The following FASTKD1 variants were observed in gnomAD, a reference collection of about 807,000 sequenced individuals.
FASTKD1 encodes the protein FAST kinase domains 1.
In FASTKD1, 94 loss-of-function variants were observed where a neutral mutation model predicts 90.9. That is an observed-to-expected ratio of 1.03 (90% CI 0.88 to 1.23). The LOEUF is 1.23. Among genes scored for constraint, FASTKD1 ranks in the 50% most tolerant of loss-of-function variants. The pLI, the probability that FASTKD1 is intolerant of heterozygous loss-of-function variation, is 0.00. For synonymous variants in FASTKD1, 319 were observed against 345.8 expected (o/e 0.92, Z 0.86); for missense variants, 945 against 993.5 (o/e 0.95, Z 0.66).
intron 12 of FASTKD1, among the ~76,000 whole-genome samples, chr2:169,534,516 G>A (rs2105332460): frequency 7.0e-6 from 1 of 142,730 alleles, no homozygotes; most frequent in African/African-American, 2.6e-5. Context: ...TTGGAGTGCA[G>A]TGGCACGATC....
At chr2:169,565,294 GCT>G (rs1683918538) in intron 3 of FASTKD1, among the ~76,000 whole-genome samples, 1 of 75,996 alleles carries the variant, frequency 1.3e-5, no homozygotes, top group South Asian at 4.6e-4. Flanking sequence ...AGGGAGTCTC[GCT>G]CTGTCACCCA....
Position 169,546,577 on chromosome 2 carries a change from G to A in FASTKD1, c.1342C>T (p.Leu448=), listed in dbSNP as rs1685211294. The A allele has an allele frequency of 6.2e-7, 1 of 1,614,090 alleles. No homozygotes were observed. The highest frequency in any genetic ancestry group is 2.2e-5 in the East Asian group (1 of 44,878). The stretch of plus-strand genomic sequence containing the variant: ...GTGGCAAAACTACTCAGGTTATTTA[G>A]GTCACACTGTGGTAAAACGGCTTCA... ...RIEAVLPQCD[L]NNLSSFATSV... Residue 448 remains leucine, a synonymous_variant, in exon 8 of 15, where the codon CTA becomes TTA. Transcript: ENST00000453153.
chr2:169,530,781 G>C, intron 13 of FASTKD1, 80 bp from the exon 14 acceptor site: 1 of 760,726 alleles, frequency 1.3e-6, no homozygotes, highest in Non-Finnish European at 2.2e-6. Flanking sequence ...AAACAAGATT[G>C]CATCTTTATA....
At chr2:169,556,877 G>A (rs538617082) in intron 6 of FASTKD1, among the ~76,000 whole-genome samples, 2 of 150,750 alleles carry the variant, frequency 1.3e-5, no homozygotes, top group East Asian at 3.9e-4. Flanking sequence ...CATGGTGGTG[G>A]GCGCCTGTAG....
chr2:169,551,181 T>C (rs933066064), intron 7 of FASTKD1, among the ~76,000 whole-genome samples: 3 of 152,148 alleles, frequency 2.0e-5, no homozygotes, highest in African/African-American at 7.2e-5. Flanking sequence ...GTACATTCTG[T>C]TAGTGGGAGT....
chr2:169,562,230 GTTT>G (rs1245410429), intron 4 of FASTKD1, among the ~76,000 whole-genome samples: 1 of 141,264 alleles, frequency 7.1e-6, no homozygotes, highest in Non-Finnish European at 1.5e-5. Flanking sequence ...TTTTTTTTTC[GTTT>G]TTTGTTATTG....
At chr2:169,545,133 C>T (rs954725757) in intron 8 of FASTKD1, among the ~76,000 whole-genome samples, 3 of 152,046 alleles carry the variant, frequency 2.0e-5, no homozygotes, top group Non-Finnish European at 2.9e-5. Context: ...GCCTGTCATC[C>T]CAACACTTTG....
At chr2:169,555,020 C>T in intron 7 of FASTKD1, 104 bp downstream of exon 7, 1 of 1,046,252 alleles carries the variant, frequency 9.6e-7, no homozygotes, top group East Asian at 2.6e-5. Flanking sequence ...ATAAGCTTCA[C>T]AATTTTGCCT....
rs368274557 is a variant in FASTKD1, at chr2:169,546,380, A to G, written c.1539T>C (p.Pro513=). 362 of 1,614,062 alleles carry G rather than the reference A, an allele frequency of 2.2e-4. No homozygotes were observed. The highest frequency in any genetic ancestry group is 3.0e-4 in the Non-Finnish European group (350 of 1,180,020). ...ELKSLKGNTF[P]ESLLEEMIAT... is the part of the protein sequence containing the mutation. The stretch of plus-strand genomic sequence containing the variant: ...CAATCATTTCTTCAAGAAGTGACTC[A>G]GGAAACGTGTTTCCTTTGAGAGATT... The change falls in exon 8 of 15, where the codon CCT becomes CCC. Residue 513 remains proline (P), a synonymous_variant. Transcript: ENST00000453153.
intron 5 of FASTKD1, among the ~76,000 whole-genome samples, chr2:169,558,480 G>A (rs1017488030): frequency 1.3e-5 from 2 of 149,948 alleles, no homozygotes; most frequent in South Asian, 2.1e-4. Flanking sequence ...ACAGAGTTTC[G>A]CTCCTGTTGC....
intron 5 of FASTKD1, among the ~76,000 whole-genome samples, chr2:169,559,978 T>C (rs1270683839): frequency 6.6e-6 from 1 of 152,148 alleles, no homozygotes; most frequent in Non-Finnish European, 1.5e-5. Context: ...TAATAAATGC[T>C]TTGATGATTA....
intron 5 of FASTKD1, among the ~76,000 whole-genome samples, chr2:169,559,898 G>A (rs1186313185): frequency 1.3e-5 from 2 of 152,138 alleles, no homozygotes; most frequent in Non-Finnish European, 2.9e-5. Flanking sequence ...TAGCAAAACT[G>A]GAAATTCCTA....
rs754759283 is a variant in FASTKD1 at position 169,544,934 on chromosome 2, G to A, written c.1702-99C>T. On this transcript the variant is annotated intron_variant, in intron 8 of 14. Transcript: ENST00000453153. ...TTAGGAGAAATCTTTTCCTATCATC[G>A]CTACAGTTAAATAATAAATGTATCA... 44 of 628,738 alleles carry A rather than the reference G, an allele frequency of 7.0e-5. 1 individual carries two copies. In the Middle Eastern group the frequency reaches 1.1e-3, roughly 15 times the overall value. 38.9% of individuals were successfully genotyped at this position (628,738 alleles called of 1,614,324 possible). A position where few individuals can be genotyped will look rare whatever the true frequency, so the allele number is the denominator to read the frequency against.
chr2:169,556,645 G>T (rs1683329021), intron 6 of FASTKD1, among the ~76,000 whole-genome samples: 1 of 151,980 alleles, frequency 6.6e-6, no homozygotes, highest in Non-Finnish European at 1.5e-5. Context: ...CCAACACAGT[G>T]AAACCCCGCT....
chr2:169,531,076 A>G (rs778997622), intron 13 of FASTKD1: 6 of 694,498 alleles, frequency 8.6e-6, no homozygotes, highest in Admixed American at 5.3e-5. Context: ...CTATGAGAAA[A>G]GTAGAGAGGT....
chr2:169,573,434 T>C (rs1684317584), intron 1 of FASTKD1: 1 of 152,194 alleles, frequency 6.6e-6, no homozygotes, highest in Non-Finnish European at 1.5e-5. Flanking sequence ...GGAAGGAACT[T>C]AACTACAGGA....
intron 3 of FASTKD1, among the ~76,000 whole-genome samples, chr2:169,566,482 G>A (rs1276491042): frequency 6.6e-6 from 1 of 152,132 alleles, no homozygotes; most frequent in Non-Finnish European, 1.5e-5. Context: ...GGAGGCCAAG[G>A]TAGGAGGATT....
chr2:169,535,463 T>A (rs2460860), intron 12 of FASTKD1, among the ~76,000 whole-genome samples: 65 of 28,610 alleles, frequency 2.3e-3, no homozygotes, highest in Middle Eastern at 0.02. Context: ...TTTATTTATT[T>A]ATTATTTGTT....
chr2:169,560,840 T>A (rs76649584), intron 4 of FASTKD1, 55 bp from the exon 5 acceptor site: 222 of 175,782 alleles, frequency 1.3e-3, no homozygotes, highest in Non-Finnish European at 1.9e-3. Flanking sequence ...TGATCAATTC[T>A]TTTTTTTTTT....
Sources: gnomAD v4.1 joint callset for allele counts (sites outside exome capture counted in the v4.1 genomes callset) on GRCh38, gnomAD v4.1.1 for gene constraint, MANE v1.5 for transcripts, NCBI Gene and HGNC (gene_info 2026-07-23, HGNC 2026-07-21) for gene names.